MAGI1: variants seen among roughly 807,000 people sequenced by gnomAD.
The protein encoded by MAGI1 is membrane-associated guanylate kinase, WW and PDZ domain-containing protein 1.
Under a neutral mutation model 139.9 loss-of-function variants are expected in MAGI1, and 58 were observed. The observed-to-expected ratio is 0.41, with a 90% CI of 0.34 to 0.52. The LOEUF is 0.52. MAGI1 is among the 20% of genes least tolerant of loss of function. MAGI1 has a pLI of 0.12. For synonymous variants in MAGI1, 812 were observed against 737.9 expected, an observed-to-expected ratio of 1.10 and a Z score of -1.63; for missense variants, 1,874 against 1,901.6, an observed-to-expected ratio of 0.99 and a Z score of 0.27.
intron 12 of MAGI1, among the ~76,000 whole-genome samples, chr3:65,414,644 T>C (rs954464568): frequency 1.3e-4 from 20 of 152,168 alleles, no homozygotes; most frequent in South Asian, 2.1e-4. Context: ...TTTGAAAACA[T>C]AGAACTGAGC....
intron 1 of MAGI1, among the ~76,000 whole-genome samples, chr3:66,016,935 G>A (rs1199880947): frequency 1.3e-5 from 2 of 152,118 alleles, no homozygotes; most frequent in Non-Finnish European, 2.9e-5. Context: ...TGAGGTATCT[G>A]GAGTAGTCAA....
chr3:65,445,086 G>A (rs1294926012), intron 7 of MAGI1, among the ~76,000 whole-genome samples: 2 of 152,122 alleles, frequency 1.3e-5, no homozygotes, highest in African/African-American at 2.4e-5. Flanking sequence ...AGGAATCCTC[G>A]TATGACTAAC....
intron 1 of MAGI1, among the ~76,000 whole-genome samples, chr3:65,800,655 T>G (rs556312473): frequency 6.6e-6 from 1 of 151,618 alleles, no homozygotes; most frequent in Non-Finnish European, 1.5e-5. Context: ...AAAACTGATG[T>G]AAGAAATTGG....
At chr3:65,752,411 G>A (rs2036227541) in intron 1 of MAGI1, among the ~76,000 whole-genome samples, 2 of 152,274 alleles carry the variant, frequency 1.3e-5, no homozygotes, top group Non-Finnish European at 2.9e-5. Context: ...TAATGCATGG[G>A]AAAGTGCTTT....
intron 1 of MAGI1, among the ~76,000 whole-genome samples, chr3:65,809,363 A>C (rs946148087): frequency 6.6e-6 from 1 of 152,128 alleles, no homozygotes; most frequent in African/African-American, 2.4e-5. Context: ...AAGGTGAGAA[A>C]ACTTTATGTA....
chr3:65,466,139 A>G (rs991550271), intron 5 of MAGI1, among the ~76,000 whole-genome samples: 55 of 152,234 alleles, frequency 3.6e-4, no homozygotes, highest in African/African-American at 1.3e-3. Context: ...CTAATTTTCT[A>G]CTTGGCTTAA....
chr3:65,666,684 G>A (rs1032334024), intron 1 of MAGI1, among the ~76,000 whole-genome samples: 1 of 152,162 alleles, frequency 6.6e-6, no homozygotes, highest in Non-Finnish European at 1.5e-5. Flanking sequence ...GCTGAGAAGT[G>A]TTATTTTATT....
At chr3:65,910,093 T>C (rs892749390) in intron 1 of MAGI1, among the ~76,000 whole-genome samples, 2 of 152,196 alleles carry the variant, frequency 1.3e-5, no homozygotes, top group Non-Finnish European at 2.9e-5. Flanking sequence ...TTCGGCTCAG[T>C]TCCTAACAGG....
intron 1 of MAGI1, among the ~76,000 whole-genome samples, chr3:65,941,557 C>A (rs984294002): frequency 7.9e-5 from 12 of 152,064 alleles, no homozygotes; most frequent in African/African-American, 2.9e-4. Flanking sequence ...GTTTTGACAA[C>A]CAAAAATAAG....
intron 1 of MAGI1, among the ~76,000 whole-genome samples, chr3:65,713,440 A>T (rs903403299): frequency 3.9e-5 from 6 of 152,138 alleles, no homozygotes; most frequent in Admixed American, 2.6e-4. Flanking sequence ...GAGATTTTTT[A>T]AAAAAAGAAA....
Position 65,909,763 on chromosome 3 carries a change from T to C in MAGI1, c.313+128233A>G, listed in dbSNP as rs552134072. Among the ~76,000 whole-genome samples, 6 of 152,214 alleles carry C rather than the reference T, an allele frequency of 3.9e-5. No individual in the cohort carries two copies. The East Asian group carries it at 1.2e-3, about 29-fold the overall frequency. The stretch of plus-strand genomic sequence containing the variant: ...GCTGCTGCCCGCTTTATTTCAGGGA[T>C]GTGGGGATTCCAAGCAAGATAATCA... On this transcript the variant is annotated intron_variant, in intron 1 of 22. Transcript: ENST00000402939.
chr3:65,813,703 C>A (rs932450382), intron 1 of MAGI1, among the ~76,000 whole-genome samples: 1 of 152,086 alleles, frequency 6.6e-6, no homozygotes, highest in African/African-American at 2.4e-5. Context: ...ATGAGAAATA[C>A]GCAGAATGCT....
intron 1 of MAGI1, among the ~76,000 whole-genome samples, chr3:65,813,219 G>A (rs951549685): frequency 1.3e-5 from 2 of 151,920 alleles, no homozygotes; most frequent in Non-Finnish European, 2.9e-5. Flanking sequence ...CTCACCAAGC[G>A]CCACACCCCC....
chr3:66,008,704 G>C (rs1166155716), intron 1 of MAGI1: 1 of 152,072 alleles, frequency 6.6e-6, no homozygotes, highest in African/African-American at 2.4e-5. Flanking sequence ...GAAGAGTATG[G>C]GGGGGCAGGG....
At chr3:65,575,794 C>G (rs2081150442) in intron 2 of MAGI1, among the ~76,000 whole-genome samples, 1 of 152,246 alleles carries the variant, frequency 6.6e-6, no homozygotes, top group East Asian at 1.9e-4. Context: ...AAGTCAGATT[C>G]CTGATGCCAC....
At chr3:65,522,663 C>T (rs779530360) in intron 2 of MAGI1, among the ~76,000 whole-genome samples, 3 of 152,170 alleles carry the variant, frequency 2.0e-5, no homozygotes, top group Non-Finnish European at 2.9e-5. Context: ...CTCATCGTTT[C>T]TTCCCCAGTC....
At chr3:65,532,810 T>G (rs1465176608) in intron 2 of MAGI1, 3 of 152,212 alleles carry the variant, frequency 2.0e-5, no homozygotes, top group Non-Finnish European at 2.9e-5. Flanking sequence ...TAATTTATGA[T>G]CATTCCCCTT....
intron 2 of MAGI1, chr3:65,499,088 A>G (rs2076984915): frequency 1.1e-6 from 1 of 934,802 alleles, no homozygotes; most frequent in Non-Finnish European, 1.3e-6. Context: ...AAACTCTCAT[A>G]TGCTTTGAAA....
chr3:65,793,848 A>C (rs970429731), intron 1 of MAGI1, among the ~76,000 whole-genome samples: 1 of 152,238 alleles, frequency 6.6e-6, no homozygotes, highest in Admixed American at 6.5e-5. Context: ...AACATCATAT[A>C]GACAAAAACA....
Sources: gnomAD v4.1 joint callset for allele counts (sites outside exome capture counted in the v4.1 genomes callset) on GRCh38, gnomAD v4.1.1 for gene constraint, MANE v1.5 for transcripts, NCBI Gene and HGNC (gene_info 2026-07-23, HGNC 2026-07-21) for gene names.